INTS7: variants seen among roughly 807,000 people sequenced by gnomAD.
INTS7 encodes the protein chromosome 1 open reading frame 73.
A neutral mutation model predicts 109.2 loss-of-function variants in INTS7; 46 were observed. The ratio of observed to expected loss-of-function variants is 0.42; its 90% CI spans 0.33 to 0.54. The LOEUF (loss-of-function observed/expected upper bound fraction) is 0.54, where lower values mean the gene tolerates loss of function less well. INTS7 is among the 20% of genes least tolerant of loss of function. INTS7 has a pLI of 0.07. For missense variants in INTS7, 929 were observed against 1,132.4 expected (o/e 0.82, Z 2.58); for synonymous variants, 412 against 402.9 (o/e 1.02, Z -0.27).
intron 6 of INTS7, 132 bp downstream of exon 6, chr1:212,007,118 A>T: frequency 1.4e-6 from 1 of 689,810 alleles, no homozygotes; most frequent in Non-Finnish European, 2.4e-6. Context: ...AGCAAAAGCA[A>T]ATTAATCTGA....
In INTS7 at chr1:211,981,137, G is replaced by A; in HGVS notation, c.1186C>T (p.Leu396Phe). The A allele has an allele frequency of 6.2e-7, 1 of 1,613,530 alleles. No individual in the cohort carries two copies. Among genetic ancestry groups the A allele is most frequent in the Non-Finnish European group, 8.5e-7 (1 of 1,179,608 alleles). ...AVFGLESLLV[L>F]CSQDDSPGAQ... ...CCTGGACTATCATCTTGACTACAAA[G>A]TACCAGTAGGGATTCCAGGCCAAAG... The change falls in exon 10 of 20, where the codon CTT becomes TTT. Residue 396 changes from leucine to phenylalanine, a missense_variant. Around this residue, in one of 2 missense-constraint regions of INTS7, gnomAD observed 787 missense variants for 901.1 expected, o/e 0.87. Transcript: ENST00000366994.
chr1:211,943,708 G>A (rs1269757347), intron 19 of INTS7, among the ~76,000 whole-genome samples: 1 of 152,150 alleles, frequency 6.6e-6, no homozygotes, highest in Non-Finnish European at 1.5e-5. Flanking sequence ...AGTAATAATA[G>A]TTTAGAACCA....
At chr1:212,019,689 T>C (rs1241683816) in intron 3 of INTS7, among the ~76,000 whole-genome samples, 3 of 152,178 alleles carry the variant, frequency 2.0e-5, no homozygotes, top group East Asian at 3.9e-4. Context: ...AAAGAAACTA[T>C]AGTGGTTATA....
intron 17 of INTS7, among the ~76,000 whole-genome samples, chr1:211,949,908 T>C (rs1324883357): frequency 2.0e-5 from 3 of 152,234 alleles, no homozygotes; most frequent in African/African-American, 7.2e-5. Context: ...TGCTTTTGAA[T>C]ATGTTCTCTA....
At position 211,959,280 on chromosome 1, in the gene INTS7, C is replaced by CA. The variant is rs1410008145; in HGVS notation, c.2184-6580dup. On this transcript the variant is annotated intron_variant, in intron 16 of 19. Coordinates refer to ENST00000366994, the MANE Select transcript of INTS7 (RefSeq NM_015434.4). The surrounding 1 kb of genome is among the most constrained non-coding windows in gnomAD (Gnocchi z 4.2). ...GAGACTTTATCCCTAAGGGAACTGT[C>CA]AGACCTCAAGCCTACAGAGCAGTCT... 6.6e-6 allele frequency among the ~76,000 whole-genome samples: 1 copy of CA among 152,188 alleles called. No homozygotes were observed. The highest frequency in any genetic ancestry group is 1.5e-5 in the Non-Finnish European group (1 of 68,030).
intron 1 of INTS7, among the ~76,000 whole-genome samples, chr1:212,027,071 C>A (rs903337630): frequency 7.2e-5 from 11 of 152,256 alleles, no homozygotes; most frequent in African/African-American, 2.6e-4. Flanking sequence ...GGTAAATGAA[C>A]TAAAGAATAT....
At chr1:211,998,770 T>C (rs529565448) in intron 7 of INTS7, among the ~76,000 whole-genome samples, 40 of 151,972 alleles carry the variant, frequency 2.6e-4, no homozygotes, top group African/African-American at 9.6e-4. Flanking sequence ...AAAACATACA[T>C]CTGATAAAGG....
At chr1:211,995,700 C>T (rs768761548) in intron 7 of INTS7, among the ~76,000 whole-genome samples, 1 of 152,168 alleles carries the variant, frequency 6.6e-6, no homozygotes, top group Non-Finnish European at 1.5e-5. Context: ...GAAATCCTAA[C>T]CGCCAAGTTG....
Position 211,951,270 on chromosome 1 carries a change from G to A in INTS7, c.2316+1299C>T, listed in dbSNP as rs148265404. Among the ~76,000 whole-genome samples, 151 of 152,200 alleles carry A rather than the reference G, an allele frequency of 9.9e-4. 1 individual carries two copies. The East Asian group carries it at 0.026, about 27-fold the overall frequency. On this transcript the variant is annotated intron_variant, in intron 17 of 19. Coordinates refer to ENST00000366994, the MANE Select transcript of INTS7 (RefSeq NM_015434.4). Reference sequence around the variant, plus strand: ...CCAAGGTAATGGCATTTGGAGGTGGGCCCCCATGATGGGATGAGTGTTTTT... The same window carrying A: ...CCAAGGTAATGGCATTTGGAGGTGGACCCCCATGATGGGATGAGTGTTTTT...
intron 18 of INTS7, 115 bp from the exon 19 acceptor site, chr1:211,945,084 A>AC: frequency 2.2e-6 from 2 of 891,532 alleles, no homozygotes; most frequent in Non-Finnish European, 3.4e-6. Context: ...GCACTCCCCC[A>AC]CCCCCACAGG....
intron 7 of INTS7, among the ~76,000 whole-genome samples, chr1:211,997,961 C>T (rs750851250): frequency 6.6e-6 from 1 of 151,592 alleles, no homozygotes; most frequent in African/African-American, 2.4e-5. Context: ...ACAAAAATCC[C>T]AGCAGCCTTT....
rs181435551 is a variant in INTS7, at chr1:211,968,639, T to C, written c.1884A>G (p.Leu628=). The stretch of plus-strand genomic sequence containing the variant: ...TACAGATAAGTTGAGAGAAGGCTTG[T>C]AAAAGGTCAATCCTGAGTTTTACAA... ...CEFVKLRIDL[L]QAFSQLICTC... is the part of the protein sequence containing the mutation. Residue 628 remains leucine, a synonymous_variant, in exon 14 of 20, where the codon TTA becomes TTG. Coordinates refer to ENST00000366994, the MANE Select transcript of INTS7 (RefSeq NM_015434.4). 2.5e-6 allele frequency: 4 copies of C among 1,613,432 alleles called. No individual in the cohort carries two copies. Among genetic ancestry groups the C allele is most frequent in the South Asian group, 1.1e-5 (1 of 91,062 alleles).
chr1:211,999,653 T>C (rs534321467), intron 7 of INTS7, among the ~76,000 whole-genome samples: 3 of 152,232 alleles, frequency 2.0e-5, no homozygotes, highest in East Asian at 3.9e-4. Context: ...ATGAGAACAA[T>C]ACAAGACATA....
At chr1:211,971,458 G>C (rs1468778167) in intron 13 of INTS7, among the ~76,000 whole-genome samples, 1 of 152,052 alleles carries the variant, frequency 6.6e-6, no homozygotes, top group African/African-American at 2.4e-5. Flanking sequence ...TATATGGCAG[G>C]GAAATTGACC....
At chr1:212,002,135 T>G (rs1412965615) in intron 7 of INTS7, among the ~76,000 whole-genome samples, 1 of 152,220 alleles carries the variant, frequency 6.6e-6, no homozygotes, top group Non-Finnish European at 1.5e-5. Context: ...TTGTTGATGG[T>G]AAAAAGCTTA....
chr1:211,961,879 A>G (rs567573985), intron 16 of INTS7, among the ~76,000 whole-genome samples: 1 of 152,336 alleles, frequency 6.6e-6, no homozygotes, highest in Admixed American at 6.5e-5. Context: ...GAGCTCCTGA[A>G]GGAAGCACTA....
chr1:211,962,728 T>C (rs115440456), intron 16 of INTS7, among the ~76,000 whole-genome samples: 4,924 of 152,210 alleles, frequency 0.032, 142 homozygotes, highest in Non-Finnish European at 0.05. Context: ...AGAAAATCGC[T>C]CAAAACCATA....
At chr1:211,948,940 C>T (rs375291497) in intron 17 of INTS7, among the ~76,000 whole-genome samples, 23 of 152,196 alleles carry the variant, frequency 1.5e-4, no homozygotes, top group African/African-American at 4.3e-4. Flanking sequence ...CTCCTGACCT[C>T]GTGATCCACC....
intron 13 of INTS7, among the ~76,000 whole-genome samples, chr1:211,973,934 T>A (rs1315974280): frequency 6.6e-6 from 1 of 152,032 alleles, no homozygotes; most frequent in Non-Finnish European, 1.5e-5. Context: ...TAAGACAAGG[T>A]CTCCTCTCTG....
Sources: allele counts gnomAD v4.1 joint callset (sites outside exome capture counted in the v4.1 genomes callset), GRCh38; gene constraint gnomAD v4.1.1; regional missense constraint gnomAD v4.1.1; non-coding constraint Gnocchi (gnomAD v3.1); transcripts MANE v1.5; gene names NCBI Gene and HGNC (gene_info 2026-07-23, HGNC 2026-07-21).